SYNPR: variants seen among roughly 807,000 people sequenced by gnomAD.
SYNPR encodes the protein synaptoporin.
A neutral mutation model predicts 32.9 loss-of-function variants in SYNPR; 23 were observed. That is an observed-to-expected ratio of 0.70 (90% CI 0.50 to 0.99). SYNPR has a LOEUF of 0.99. SYNPR is among the 50% of genes least tolerant of loss of function. The pLI, the probability that SYNPR is intolerant of heterozygous loss-of-function variation, is 0.00. For missense variants in SYNPR, 318 were observed against 349.3 expected (o/e 0.91, Z 0.71); for synonymous variants, 146 against 135.9 (o/e 1.07, Z -0.52).
At chr3:63,305,955 C>T (rs184695882) in intron 2 of SYNPR, among the ~76,000 whole-genome samples, 15 of 152,112 alleles carry the variant, frequency 9.9e-5, no homozygotes, top group Non-Finnish European at 1.9e-4. Flanking sequence ...GTCTCTGCAA[C>T]AGAAATGCCC....
At chr3:63,372,821 G>C (rs988315607) in intron 2 of SYNPR, among the ~76,000 whole-genome samples, 2 of 152,186 alleles carry the variant, frequency 1.3e-5, no homozygotes, top group Admixed American at 1.3e-4. Flanking sequence ...TAGCACTTGA[G>C]TGGGAGAGGA....
At chr3:63,365,434 A>C (rs753802685) in intron 2 of SYNPR, among the ~76,000 whole-genome samples, 1 of 152,156 alleles carries the variant, frequency 6.6e-6, no homozygotes, top group Non-Finnish European at 1.5e-5. Context: ...TTTGAGCACT[A>C]TTGCTATGAT....
chr3:63,341,791 C>T (rs1292035246), intron 2 of SYNPR, among the ~76,000 whole-genome samples: 1 of 152,146 alleles, frequency 6.6e-6, no homozygotes, highest in African/African-American at 2.4e-5. Flanking sequence ...CACTTCATGG[C>T]TTGTATTTCA....
chr3:63,259,564 G>A (rs566389450), intron 2 of SYNPR, among the ~76,000 whole-genome samples: 4 of 152,106 alleles, frequency 2.6e-5, no homozygotes, highest in African/African-American at 7.2e-5. Context: ...GGTATTGATG[G>A]GACGTATCTC....
At chr3:63,297,538 T>G (rs1432389947) in intron 2 of SYNPR, among the ~76,000 whole-genome samples, 2 of 152,198 alleles carry the variant, frequency 1.3e-5, no homozygotes, top group East Asian at 3.8e-4. Context: ...GGAAGCAGAC[T>G]AAAAGTCACA....
intron 5 of SYNPR, among the ~76,000 whole-genome samples, chr3:63,610,125 T>C (rs960152288): frequency 1.2e-4 from 19 of 152,200 alleles, no homozygotes; most frequent in African/African-American, 4.6e-4. Flanking sequence ...ATGGTAATTT[T>C]TGAATTTTCT....
intron 2 of SYNPR, among the ~76,000 whole-genome samples, chr3:63,479,372 A>G (rs1700996734): frequency 1.3e-5 from 2 of 152,102 alleles, no homozygotes; most frequent in Non-Finnish European, 2.9e-5. Context: ...CAATCCTTAT[A>G]TCTTTTGGTC....
chr3:63,478,163 C>T (rs1700973346), intron 2 of SYNPR, among the ~76,000 whole-genome samples: 1 of 152,158 alleles, frequency 6.6e-6, no homozygotes, highest in Non-Finnish European at 1.5e-5. Flanking sequence ...CATGACACCT[C>T]CTTTCCACGT....
At chr3:63,585,719 A>G (rs1329175936) in intron 4 of SYNPR, among the ~76,000 whole-genome samples, 1 of 152,136 alleles carries the variant, frequency 6.6e-6, no homozygotes, top group Non-Finnish European at 1.5e-5. Flanking sequence ...TCTGTCATTT[A>G]TCCGATGCCT....
At chr3:63,346,664 G>T (rs1380481936) in intron 2 of SYNPR, among the ~76,000 whole-genome samples, 2 of 151,908 alleles carry the variant, frequency 1.3e-5, no homozygotes, top group Non-Finnish European at 2.9e-5. Context: ...GTAGAGATGG[G>T]GTTTCACCAT....
intron 1 of SYNPR, among the ~76,000 whole-genome samples, chr3:63,247,463 T>C (rs2086301128): frequency 6.6e-6 from 1 of 152,066 alleles, no homozygotes. Context: ...AACTCAACTA[T>C]CAGGCTTGCT....
Position 63,517,954 on chromosome 3 carries a change from G to A in SYNPR, c.209+36998G>A, listed in dbSNP as rs1353037391. 2.6e-5 allele frequency among the ~76,000 whole-genome samples: 4 copies of A among 152,150 alleles called. No homozygotes were observed. The East Asian group carries it at 7.7e-4, about 29-fold the overall frequency. On this transcript the variant is annotated intron_variant, in intron 3 of 5. Transcript: ENST00000478300. ...ATGGCAAGGGCAACAATACGTGCAT[G>A]TACGGAAGGAATGATTTCATAATGC... is the stretch of plus-strand genomic sequence containing the variant.
At chr3:63,532,932 AG>A (rs1702136960) in intron 3 of SYNPR, among the ~76,000 whole-genome samples, 1 of 152,230 alleles carries the variant, frequency 6.6e-6, no homozygotes, top group African/African-American at 2.4e-5. Context: ...GGGTACTTAT[AG>A]GAGGATTAGT....
the SYNPR span, among the ~76,000 whole-genome samples, chr3:63,216,724 C>G: frequency 1.7e-3 from 73 of 44,094 alleles, 32 homozygotes; most frequent in Admixed American, 4.7e-3. Flanking sequence ...AAATCATTCT[C>G]CATCCAGCTT....
intron 2 of SYNPR, among the ~76,000 whole-genome samples, chr3:63,479,031 C>T (rs1700990793): frequency 6.6e-6 from 1 of 152,154 alleles, no homozygotes; most frequent in African/African-American, 2.4e-5. Context: ...AGATGGGGTT[C>T]CCTTCAGCTT....
At chr3:63,408,326 AAG>A (rs1178521595) in intron 2 of SYNPR, among the ~76,000 whole-genome samples, 9 of 126,520 alleles carry the variant, frequency 7.1e-5, no homozygotes, top group Admixed American at 2.4e-4. Context: ...GAAGGAAAGA[AAG>A]AAAGAAAGAA....
intron 1 of SYNPR, among the ~76,000 whole-genome samples, chr3:63,237,360 C>A (rs775769989): frequency 6.6e-6 from 1 of 151,678 alleles, no homozygotes; most frequent in Admixed American, 6.6e-5. Context: ...GAGTGTTGTT[C>A]GTGTGTTTGT....
intron 2 of SYNPR, among the ~76,000 whole-genome samples, chr3:63,381,258 AACAG>A (rs2087964585): frequency 6.6e-6 from 1 of 152,210 alleles, no homozygotes. Context: ...ATACACCAAT[AACAG>A]ACAAACAGAG....
chr3:63,610,762 T>C (rs568355824), intron 5 of SYNPR, among the ~76,000 whole-genome samples: 1 of 152,364 alleles, frequency 6.6e-6, no homozygotes, highest in Admixed American at 6.5e-5. Flanking sequence ...TTGCTTGATA[T>C]GTTTGTTAGT....
Sources: allele counts gnomAD v4.1 joint callset (sites outside exome capture counted in the v4.1 genomes callset), GRCh38; gene constraint gnomAD v4.1.1; transcripts MANE v1.5; gene names NCBI Gene and HGNC (gene_info 2026-07-23, HGNC 2026-07-21).